The following CACNA1C variants were observed in gnomAD, a reference collection of about 807,000 sequenced individuals.
CACNA1C encodes voltage-dependent L-type calcium channel subunit alpha-1C.
A neutral mutation model predicts 229.0 loss-of-function variants in CACNA1C; 30 were observed. The observed-to-expected ratio is 0.13, with a 90% CI of 0.10 to 0.18. The LOEUF (loss-of-function observed/expected upper bound fraction) is 0.18. Ranked by LOEUF, CACNA1C falls within the 10% of genes least tolerant of loss-of-function variation. The probability of loss-of-function intolerance (pLI) is 1.00; values close to 1 mark genes in which losing one functional copy is unlikely to be tolerated. For synonymous variants in CACNA1C, 1,114 were observed against 1,132.5 expected (o/e 0.98, Z 0.33); for missense variants, 1,658 against 2,845.0 (o/e 0.58, Z 9.49).
At chr12:2,629,946 A>C (rs1049780718) in intron 29 of CACNA1C, among the ~76,000 whole-genome samples, 26 of 152,202 alleles carry the variant, frequency 1.7e-4, no homozygotes, top group African/African-American at 4.8e-4. Context: ...TGGCCAGAGG[A>C]GAGGCCCATC....
intron 3 of CACNA1C, among the ~76,000 whole-genome samples, chr12:2,334,519 C>T (rs1449890699): frequency 6.6e-6 from 1 of 152,162 alleles, no homozygotes; most frequent in African/African-American, 2.4e-5. Flanking sequence ...CAGATACTGA[C>T]TCCAGCCAGG....
rs1484075523 is a variant in CACNA1C at position 2,313,259 on chromosome 12, G to A, written c.478-135717G>A. The stretch of plus-strand genomic sequence containing the variant: ...GATAGACAGGGCAGGCTAGCAGGGG[G>A]ATGTGGTGCCTGGCATGTGGCAGGC... On this transcript the variant is annotated intron_variant, in intron 3 of 46. Coordinates refer to ENST00000399655, the MANE Select transcript of CACNA1C (RefSeq NM_000719.7). Among the ~76,000 whole-genome samples the A allele has an allele frequency of 2.0e-5, 3 of 152,186 alleles. No individual in the cohort carries two copies. In the East Asian group the frequency reaches 5.8e-4, roughly 29 times the overall value.
chr12:1,974,997 A>G (rs867386167), intron 1 of CACNA1C, among the ~76,000 whole-genome samples: 2 of 152,164 alleles, frequency 1.3e-5, no homozygotes, highest in Middle Eastern at 3.2e-3. Flanking sequence ...TAACAATGAT[A>G]GGAATAGCTC....
chr12:2,053,910 G>T lies in CACNA1C; in HGVS notation c.49+299G>T, dbSNP rs1275058101. On this transcript the variant is annotated intron_variant, in intron 1 of 46. Transcript: ENST00000399655. The surrounding 1 kb of genome is among the most constrained non-coding windows in gnomAD (Gnocchi z 5.8). The stretch of plus-strand genomic sequence containing the variant: ...GGGAAAAGTTCCCCAAGTGGCTGCC[G>T]CCGCCTCGCTTTCTCGCGTCCGCCT... 6.6e-6 allele frequency among the ~76,000 whole-genome samples: 1 copy of T among 150,392 alleles called. No individual in the cohort carries two copies. The highest frequency in any genetic ancestry group is 6.6e-5 in the Admixed American group (1 of 15,132).
intron 1 of CACNA1C, among the ~76,000 whole-genome samples, chr12:1,994,883 A>G (rs557686767): frequency 2.0e-5 from 3 of 152,224 alleles, no homozygotes; most frequent in African/African-American, 7.2e-5. Flanking sequence ...AATCACTGCC[A>G]GCTCCATTCC....
intron 5 of CACNA1C, among the ~76,000 whole-genome samples, chr12:2,480,967 G>GA (rs2099673700): frequency 5.9e-5 from 9 of 152,172 alleles, no homozygotes; most frequent in African/African-American, 2.2e-4. Flanking sequence ...CATGTGAAAT[G>GA]ACTCAAAATA....
At chr12:1,973,706 G>C (rs2033302709) in intron 1 of CACNA1C, among the ~76,000 whole-genome samples, 1 of 152,076 alleles carries the variant, frequency 6.6e-6, no homozygotes, top group Non-Finnish European at 1.5e-5. Flanking sequence ...TTTAATCTAA[G>C]AGATATAACA....
intron 1 of CACNA1C, among the ~76,000 whole-genome samples, chr12:2,098,093 AT>A (rs1159869029): frequency 6.6e-6 from 1 of 152,212 alleles, no homozygotes; most frequent in Non-Finnish European, 1.5e-5. Context: ...TGGGGCTGGA[AT>A]TCAGATTTAC....
At chr12:2,089,265 G>A (rs1453242043) in intron 1 of CACNA1C, among the ~76,000 whole-genome samples, 1 of 152,212 alleles carries the variant, frequency 6.6e-6, no homozygotes, top group Non-Finnish European at 1.5e-5. Context: ...CGACCCTGAG[G>A]TAAGCCATTG....
chr12:2,162,815 G>A (rs1464227368), intron 3 of CACNA1C, among the ~76,000 whole-genome samples: 3 of 152,126 alleles, frequency 2.0e-5, no homozygotes, highest in African/African-American at 4.8e-5. Flanking sequence ...ACTTTGCTGA[G>A]ATGAAATTTC....
intron 6 of CACNA1C, among the ~76,000 whole-genome samples, chr12:2,487,658 G>T (rs1345729563): frequency 6.6e-6 from 1 of 151,428 alleles, no homozygotes; most frequent in Non-Finnish European, 1.5e-5. Context: ...AAATTACTTG[G>T]GTCATAATTG....
At chr12:2,432,606 G>T (rs1211549877) in intron 3 of CACNA1C, among the ~76,000 whole-genome samples, 1 of 152,162 alleles carries the variant, frequency 6.6e-6, no homozygotes, top group Non-Finnish European at 1.5e-5. Flanking sequence ...GGAGACACAG[G>T]TGCAAGTCCA....
At chr12:2,609,419 C>T (rs961133014) in intron 27 of CACNA1C, among the ~76,000 whole-genome samples, 2 of 151,808 alleles carry the variant, frequency 1.3e-5, no homozygotes, top group South Asian at 2.1e-4. Context: ...TTGTGACCCT[C>T]GCCAGGCCAG....
chr12:2,639,898 G>A lies in CACNA1C; in HGVS notation c.3912+5518G>A, dbSNP rs914897835. The stretch of plus-strand genomic sequence containing the variant: ...GAAAAGGAGCAGGAGAAAGACCTTC[G>A]GGGAGCAGAGCAGGCACAGGGAGGG... On this transcript the variant is annotated intron_variant, in intron 30 of 46. Transcript: ENST00000399655. The surrounding 1 kb of genome is among the most constrained non-coding windows in gnomAD (Gnocchi z 4.2). Among the ~76,000 whole-genome samples the A allele has an allele frequency of 3.9e-5, 6 of 152,148 alleles. No individual in the cohort carries two copies. The highest frequency in any genetic ancestry group is 1.3e-4 in the Admixed American group (2 of 15,280).
intron 3 of CACNA1C, among the ~76,000 whole-genome samples, chr12:2,291,397 C>T (rs976926431): frequency 7.2e-5 from 11 of 152,204 alleles, no homozygotes; most frequent in African/African-American, 2.7e-4. Context: ...CTGGTGGTTT[C>T]TTAGAACTAC....
chr12:2,601,763 A>G lies in CACNA1C; in HGVS notation c.2854-91A>G. The G allele has an allele frequency of 2.4e-6, 2 of 823,250 alleles. No individual in the cohort carries two copies. Among genetic ancestry groups the G allele is most frequent in the South Asian group, 2.7e-5 (2 of 73,798 alleles). 51.0% of individuals were successfully genotyped at this position (823,250 alleles called of 1,614,324 possible). On this transcript the variant is annotated intron_variant, in intron 21 of 46. Coordinates refer to ENST00000399655, the MANE Select transcript of CACNA1C (RefSeq NM_000719.7). The surrounding 1 kb of genome is among the most constrained non-coding windows in gnomAD (Gnocchi z 5.9). ...ATGGATGGTGCTTGGGACTTGCCCA[A>G]GGGATGCTGTGGGAGGAAGGGGTGG...
At position 2,686,224 on chromosome 12, in the gene CACNA1C, C is replaced by A. The variant is rs1391330801; in HGVS notation, c.5739C>A (p.Asp1913Glu). ...AGCGACAGAAGGACCGAGGGGGAGA[C>A]ATCTCTCAGAAGACAGTCCTGCCCT... ...CLKRQKDRGG[D>E]ISQKTVLPLH... is the part of the protein sequence containing the mutation. The change falls in exon 45 of 47, where the codon GAC (aspartate) becomes GAA (glutamate). Residue 1913 changes from aspartate (D) to glutamate (E), a missense_variant. Around this residue, in one of 20 missense-constraint regions of CACNA1C, gnomAD observed 590 missense variants for 700.8 expected, o/e 0.84. Coordinates refer to ENST00000399655, the MANE Select transcript of CACNA1C (RefSeq NM_000719.7). 6.2e-7 allele frequency: 1 copy of A among 1,613,550 alleles called. No homozygotes were observed. Among genetic ancestry groups the A allele is most frequent in the Non-Finnish European group, 8.5e-7 (1 of 1,179,850 alleles).
chr12:2,077,425 GTAT>G (rs1429687327), intron 1 of CACNA1C, among the ~76,000 whole-genome samples: 1 of 140,142 alleles, frequency 7.1e-6, no homozygotes, highest in Non-Finnish European at 1.6e-5. Flanking sequence ...TGAAGTAGTA[GTAT>G]TGGCTAGACT....
chr12:2,159,011 G>GA (rs949436745), intron 3 of CACNA1C, among the ~76,000 whole-genome samples: 4 of 151,712 alleles, frequency 2.6e-5, no homozygotes, highest in African/African-American at 7.3e-5. Flanking sequence ...CTATGATGAG[G>GA]AAAAAACCTT....
Sources: allele counts gnomAD v4.1 joint callset (sites outside exome capture counted in the v4.1 genomes callset), GRCh38; gene constraint gnomAD v4.1.1; regional missense constraint gnomAD v4.1.1; non-coding constraint Gnocchi (gnomAD v3.1); transcripts MANE v1.5; gene names NCBI Gene and HGNC (gene_info 2026-07-23, HGNC 2026-07-21).